The following NBAS variants were observed in gnomAD, a reference collection of about 807,000 sequenced individuals.
NBAS encodes NBAS subunit of NRZ tethering complex.
In NBAS, 219 loss-of-function variants were observed where a neutral mutation model predicts 302.5. The observed-to-expected ratio is 0.72, with a 90% confidence interval of 0.65 to 0.81. The LOEUF (loss-of-function observed/expected upper bound fraction) is 0.81, where lower values mean the gene tolerates loss of function less well. NBAS is among the 30% of genes least tolerant of loss of function. The pLI, the probability that NBAS is intolerant of heterozygous loss-of-function variation, is 0.00. For missense variants in NBAS, 2,932 were observed against 2,841.6 expected, an observed-to-expected ratio of 1.03 and a Z score of -0.72; for synonymous variants, 1,118 against 1,021.6, an observed-to-expected ratio of 1.09 and a Z score of -1.80.
At chr2:14,994,063 G>T in the NBAS span, among the ~76,000 whole-genome samples, 1 of 152,194 alleles carries the variant, frequency 6.6e-6, no homozygotes, top group Non-Finnish European at 1.5e-5. Context: ...CACACTGAAG[G>T]ATGTTTGCTT....
At chr2:14,976,508 T>G in the NBAS span, among the ~76,000 whole-genome samples, 1 of 152,236 alleles carries the variant, frequency 6.6e-6, no homozygotes, top group Non-Finnish European at 1.5e-5. Flanking sequence ...GATCCCAGAA[T>G]GTTTATACCC....
rs564956939 is a variant in NBAS, at chr2:15,328,303, A to C, written c.4357T>G (p.Cys1453Gly). The C allele has an allele frequency of 2.5e-5, 40 of 1,613,678 alleles. No individual in the cohort carries two copies. Among genetic ancestry groups the C allele is most frequent in the Non-Finnish European group, 3.3e-5 (39 of 1,179,766 alleles). ...TYLRPLQGQK[C>G]GGAYQIGTTA... The stretch of plus-strand genomic sequence containing the variant: ...GTTCCGATTTGATATGCACCACCAC[A>C]TTTTTGCCCCTAAAAAGAAAAAAAG... The change falls in exon 37 of 52, where the codon TGT becomes GGT. Residue 1453 changes from cysteine to glycine, a missense_variant. By Grantham distance (159) the Cys-to-Gly change is radical. Transcript: ENST00000281513.
intron 25 of NBAS, among the ~76,000 whole-genome samples, chr2:15,406,103 T>TAAAAAAAAAA (rs71400653): frequency 7.8e-5 from 9 of 115,044 alleles, no homozygotes; most frequent in East Asian, 2.3e-4. Context: ...CAATAACATG[T>TAAAAAAAAAA]AAAAAAAAAA....
chr2:15,207,861 T>C (rs1391571375), intron 48 of NBAS, among the ~76,000 whole-genome samples: 1 of 151,886 alleles, frequency 6.6e-6, no homozygotes, highest in Non-Finnish European at 1.5e-5. Flanking sequence ...GGTAGTTCTT[T>C]ACAGCCGTGT....
At chr2:14,931,832 G>T in the NBAS span, among the ~76,000 whole-genome samples, 1 of 152,092 alleles carries the variant, frequency 6.6e-6, no homozygotes, top group East Asian at 1.9e-4. Context: ...TCAAGGTATT[G>T]TCACTTTTTG....
At chr2:15,100,564 A>G in the NBAS span, among the ~76,000 whole-genome samples, 4 of 152,216 alleles carry the variant, frequency 2.6e-5, no homozygotes, top group African/African-American at 9.6e-5. Context: ...ATGTACCTGA[A>G]TTAGTTGTTG....
chr2:14,952,728 G>C, the NBAS span, among the ~76,000 whole-genome samples: 110 of 152,354 alleles, frequency 7.2e-4, no homozygotes, highest in African/African-American at 2.5e-3. Context: ...TTCAAGGTCA[G>C]AAACACCCAG....
intron 48 of NBAS, among the ~76,000 whole-genome samples, chr2:15,202,626 GC>G (rs1665935375): frequency 6.6e-6 from 1 of 152,038 alleles, no homozygotes; most frequent in Non-Finnish European, 1.5e-5. Flanking sequence ...TGCAACCTCC[GC>G]CTCCTGGGTT....
chr2:14,969,377 T>C, the NBAS span, among the ~76,000 whole-genome samples: 1 of 151,476 alleles, frequency 6.6e-6, no homozygotes, highest in Non-Finnish European at 1.5e-5. Flanking sequence ...AAAGTTATTA[T>C]TATTATTATT....
chr2:15,480,593 G>A (rs907739057), intron 12 of NBAS, among the ~76,000 whole-genome samples: 1 of 152,002 alleles, frequency 6.6e-6, no homozygotes, highest in Non-Finnish European at 1.5e-5. Context: ...GTTTTATGGT[G>A]GTATTCTTTT....
At chr2:14,796,914 A>G in the NBAS span, among the ~76,000 whole-genome samples, 2 of 121,402 alleles carry the variant, frequency 1.6e-5, no homozygotes, top group Non-Finnish European at 1.7e-5. Context: ...CTCTCCTAAA[A>G]AATACAAAAA....
chr2:14,899,649 A>G, the NBAS span, among the ~76,000 whole-genome samples: 2 of 152,198 alleles, frequency 1.3e-5, no homozygotes, highest in African/African-American at 4.8e-5. Context: ...TGTGATCATA[A>G]CCAATTTAAC....
the NBAS span, among the ~76,000 whole-genome samples, chr2:14,893,391 A>T: frequency 0.037 from 5,679 of 151,752 alleles, 136 homozygotes; most frequent in Non-Finnish European, 0.051. Flanking sequence ...TCTTCTTCCT[A>T]GTTTTTGTTA....
At chr2:15,493,002 G>C (rs1233563988) in intron 11 of NBAS, among the ~76,000 whole-genome samples, 1 of 152,162 alleles carries the variant, frequency 6.6e-6, no homozygotes, top group Non-Finnish European at 1.5e-5. Flanking sequence ...CATGTGTCAG[G>C]GGAGGGACCT....
At chr2:15,379,864 G>GA in intron 29 of NBAS, 33 bp from the exon 30 acceptor site, 1 of 1,584,832 alleles carries the variant, frequency 6.3e-7, no homozygotes, top group Non-Finnish European at 8.7e-7. Context: ...ATTAGTTATA[G>GA]AGAGGGAAGA....
chr2:15,174,440 G>C (rs1664438635), intron 51 of NBAS, among the ~76,000 whole-genome samples: 1 of 152,194 alleles, frequency 6.6e-6, no homozygotes, highest in Admixed American at 6.5e-5. Flanking sequence ...ATGTGTTGAA[G>C]ATAAAGGGGT....
chr2:15,354,169 A>G (rs574531226), intron 33 of NBAS, among the ~76,000 whole-genome samples: 2 of 152,304 alleles, frequency 1.3e-5, no homozygotes, highest in East Asian at 3.9e-4. Flanking sequence ...ATTAAGTAAC[A>G]TTTGTATTTA....
At chr2:14,948,961 T>A in the NBAS span, among the ~76,000 whole-genome samples, 1 of 152,164 alleles carries the variant, frequency 6.6e-6, no homozygotes, top group Non-Finnish European at 1.5e-5. Flanking sequence ...AGATTTATCT[T>A]CAACAAAAGC....
the NBAS span, among the ~76,000 whole-genome samples, chr2:14,846,381 A>T: frequency 6.6e-6 from 1 of 151,952 alleles, no homozygotes; most frequent in Non-Finnish European, 1.5e-5. Context: ...GACAGACAAA[A>T]GCTGAGGGAT....
Sources: gnomAD v4.1 joint callset for allele counts (sites outside exome capture counted in the v4.1 genomes callset) on GRCh38, gnomAD v4.1.1 for gene constraint, MANE v1.5 for transcripts, NCBI Gene and HGNC (gene_info 2026-07-23, HGNC 2026-07-21) for gene names.